Variants in ERC2 observed in about 807,000 individuals in gnomAD.
ERC2 encodes the protein ERC protein 2.
ERC2 carries 42 observed loss-of-function variants against 114.8 expected under a neutral mutation model. The observed-to-expected ratio is 0.37, with a 90% confidence interval of 0.29 to 0.47. The LOEUF is 0.47. Ranked by LOEUF, ERC2 falls within the 20% of genes least tolerant of loss-of-function variation. ERC2 has a pLI of 0.99. For synonymous variants in ERC2, 454 were observed against 425.5 expected (o/e 1.07, Z -0.82); for missense variants, 939 against 1,150.7 (o/e 0.82, Z 2.66).
chr3:55,852,059 T>C (rs542352509), intron 14 of ERC2, among the ~76,000 whole-genome samples: 3 of 152,252 alleles, frequency 2.0e-5, no homozygotes, highest in African/African-American at 7.2e-5. Context: ...TCATCTCTAC[T>C]AAAAATACAA....
At chr3:55,904,077 C>G (rs1311797471) in intron 13 of ERC2, among the ~76,000 whole-genome samples, 2 of 152,164 alleles carry the variant, frequency 1.3e-5, no homozygotes, top group African/African-American at 4.8e-5. Context: ...GTTCTAAAAG[C>G]CTTGCCTATG....
chr3:56,365,174 T>C (rs1030994630), intron 2 of ERC2, among the ~76,000 whole-genome samples: 60 of 152,360 alleles, frequency 3.9e-4, no homozygotes, highest in African/African-American at 1.4e-3. Context: ...CTGATGTGAG[T>C]ACAGTCATGT....
At chr3:56,343,931 A>G (rs1206694470) in intron 2 of ERC2, among the ~76,000 whole-genome samples, 2 of 152,164 alleles carry the variant, frequency 1.3e-5, no homozygotes, top group Non-Finnish European at 2.9e-5. Flanking sequence ...TTCAATAACA[A>G]CAAAGAAAGG....
chr3:56,225,301 C>T (rs766936039), intron 3 of ERC2, among the ~76,000 whole-genome samples: 106 of 152,070 alleles, frequency 7.0e-4, no homozygotes, highest in Non-Finnish European at 2.6e-4. Context: ...GGCACTCACA[C>T]CAGGCCATGA....
chr3:55,699,991 C>T (rs549505279), intron 15 of ERC2, among the ~76,000 whole-genome samples: 12 of 152,250 alleles, frequency 7.9e-5, no homozygotes, highest in African/African-American at 2.2e-4. Flanking sequence ...TCCACTTGAA[C>T]GCTGCCAAAT....
chr3:55,938,272 T>C (rs1320328657), intron 13 of ERC2, among the ~76,000 whole-genome samples: 1 of 150,016 alleles, frequency 6.7e-6, no homozygotes, highest in Non-Finnish European at 1.5e-5. Context: ...TGGGAAACAA[T>C]AAGCTTTGAG....
At chr3:55,727,518 A>T (rs1341662497) in intron 15 of ERC2, among the ~76,000 whole-genome samples, 1 of 152,198 alleles carries the variant, frequency 6.6e-6, no homozygotes, top group Non-Finnish European at 1.5e-5. Flanking sequence ...CCTTTATACC[A>T]TGCTCAGCCT....
intron 1 of ERC2, among the ~76,000 whole-genome samples, chr3:56,463,183 G>A (rs532605454): frequency 9.2e-5 from 14 of 152,194 alleles, no homozygotes; most frequent in South Asian, 2.1e-4. Context: ...AGCTGAGATC[G>A]GTGCCACTGC....
At chr3:55,556,073 G>A (rs972152454) in intron 17 of ERC2, among the ~76,000 whole-genome samples, 2 of 152,174 alleles carry the variant, frequency 1.3e-5, no homozygotes, top group African/African-American at 4.8e-5. Flanking sequence ...TTAATCAGAG[G>A]ATGGAAGCCC....
At chr3:56,194,275 C>T (rs1047847161) in intron 3 of ERC2, among the ~76,000 whole-genome samples, 4 of 151,970 alleles carry the variant, frequency 2.6e-5, no homozygotes, top group East Asian at 1.9e-4. Context: ...ATCCAGAATC[C>T]GTGGATTAAC....
At chr3:56,003,402 T>G (rs2072233876) in intron 10 of ERC2, among the ~76,000 whole-genome samples, 3 of 152,116 alleles carry the variant, frequency 2.0e-5, no homozygotes. Flanking sequence ...AAATAACCCA[T>G]GAAATAAAGA....
At chr3:56,396,938 C>G (rs960674126) in intron 2 of ERC2, among the ~76,000 whole-genome samples, 1 of 152,062 alleles carries the variant, frequency 6.6e-6, no homozygotes. Flanking sequence ...CCTTTCTCTA[C>G]TCTCAAACTT....
chr3:56,118,636 C>CTTTTTTT lies in ERC2; in HGVS notation c.1473+20866_1473+20872dup, dbSNP rs66888697. The stretch of plus-strand genomic sequence containing the variant: ...GGAAGTTCACACTAATATTCCTTTT[C>CTTTTTTT]TTTTTTTTTTTTTTTTTTGAGACAG... On this transcript the variant is annotated intron_variant, in intron 6 of 17. Transcript: ENST00000288221. 2.9e-4 allele frequency among the ~76,000 whole-genome samples: 37 copies of CTTTTTTT among 127,880 alleles called. 2 individuals are homozygous for CTTTTTTT. The highest frequency in any genetic ancestry group is 6.5e-4 in the African/African-American group (22 of 34,076). 83.9% of individuals were successfully genotyped at this position (127,880 alleles called of 152,430 possible).
At chr3:55,579,553 T>C (rs1407143246) in intron 17 of ERC2, among the ~76,000 whole-genome samples, 1 of 152,254 alleles carries the variant, frequency 6.6e-6, no homozygotes, top group Non-Finnish European at 1.5e-5. Context: ...CAGGTCTTCC[T>C]CCAGCTGCTG....
chr3:56,299,127 T>TTTTTTTTTTTTTGTTTTTTTG (rs2055676991), intron 2 of ERC2, among the ~76,000 whole-genome samples: 1 of 110,830 alleles, frequency 9.0e-6, no homozygotes, highest in African/African-American at 3.3e-5. Context: ...TTGTTTTTTT[T>TTTTTTTTTTTTTGTTTTTTTG]TTTGTTTGTT....
At chr3:55,546,910 A>G (rs2054795382) in intron 17 of ERC2, among the ~76,000 whole-genome samples, 1 of 152,222 alleles carries the variant, frequency 6.6e-6, no homozygotes, top group Admixed American at 6.5e-5. Flanking sequence ...GTTCAAGTCC[A>G]TAACCATTTC....
intron 2 of ERC2, among the ~76,000 whole-genome samples, chr3:56,328,612 A>C (rs973926260): frequency 8.5e-5 from 13 of 152,208 alleles, no homozygotes; most frequent in African/African-American, 3.1e-4. Context: ...TAGCATAATA[A>C]TACCCTCAAG....
chr3:56,187,994 T>C (rs1455978842), intron 3 of ERC2, among the ~76,000 whole-genome samples: 2 of 151,982 alleles, frequency 1.3e-5, no homozygotes, highest in Non-Finnish European at 2.9e-5. Flanking sequence ...CAAACACCTG[T>C]GGGGAACGTG....
chr3:56,423,949 A>T (rs1300369547), intron 2 of ERC2, among the ~76,000 whole-genome samples: 1 of 152,184 alleles, frequency 6.6e-6, no homozygotes, highest in Middle Eastern at 3.2e-3. Flanking sequence ...ACAGATGTCA[A>T]TGGACTCCGA....
Sources: allele counts gnomAD v4.1 joint callset (sites outside exome capture counted in the v4.1 genomes callset), GRCh38; gene constraint gnomAD v4.1.1; transcripts MANE v1.5; gene names NCBI Gene and HGNC (gene_info 2026-07-23, HGNC 2026-07-21).